The following TNNI3K variants were observed in gnomAD, a reference collection of about 807,000 sequenced individuals.
The protein encoded by TNNI3K is TNNI3 interacting kinase.
In TNNI3K, 140 loss-of-function variants were observed where a neutral mutation model predicts 114.5. The observed-to-expected ratio is 1.22, with a 90% CI of 1.07 to 1.41. The LOEUF is 1.41. Ranked by LOEUF, TNNI3K falls within the 40% of genes most tolerant of loss-of-function variation. The pLI is 0.00. For synonymous variants in TNNI3K, 347 were observed against 347.5 expected (o/e 1.00, Z 0.02); for missense variants, 1,125 against 1,007.6 (o/e 1.12, Z -1.58).
chr1:74,515,525 T>A (rs1646337231), intron 23 of TNNI3K, among the ~76,000 whole-genome samples: 1 of 152,186 alleles, frequency 6.6e-6, no homozygotes, highest in South Asian at 2.1e-4. Context: ...TGATGGTTGC[T>A]GTTGGCAACC....
At chr1:74,369,298 G>A in intron 15 of TNNI3K, 34 bp downstream of exon 15, 3 of 1,609,710 alleles carry the variant, frequency 1.9e-6, no homozygotes, top group Non-Finnish European at 2.5e-6. Context: ...TAACATCCAG[G>A]TGGAATTGTG....
intron 23 of TNNI3K, among the ~76,000 whole-genome samples, chr1:74,510,031 C>T (rs2100375610): frequency 6.6e-6 from 1 of 152,176 alleles, no homozygotes; most frequent in South Asian, 2.1e-4. Flanking sequence ...ATGCGCCCAG[C>T]TTGAATTTCA....
At chr1:74,446,123 C>G (rs949308095) in intron 20 of TNNI3K, among the ~76,000 whole-genome samples, 34 of 152,164 alleles carry the variant, frequency 2.2e-4, no homozygotes, top group Non-Finnish European at 4.3e-4. Flanking sequence ...ACACTGACTT[C>G]CACAATGGTT....
intron 9 of TNNI3K, among the ~76,000 whole-genome samples, chr1:74,352,301 A>T (rs919193277): frequency 6.6e-6 from 1 of 152,140 alleles, no homozygotes; most frequent in Non-Finnish European, 1.5e-5. Flanking sequence ...TGAACCGCAA[A>T]TGCTGCTGCC....
chr1:74,523,074 A>G (rs1015744840), intron 23 of TNNI3K, among the ~76,000 whole-genome samples: 26 of 152,232 alleles, frequency 1.7e-4, no homozygotes, highest in African/African-American at 5.8e-4. Context: ...GCTTCAGTAT[A>G]GGTTCTGTCT....
In TNNI3K at chr1:74,369,078, C is replaced by T. The variant is rs139671822; in HGVS notation, c.1378C>T (p.Leu460Phe). 1.6e-5 allele frequency: 26 copies of T among 1,610,388 alleles called. No individual in the cohort carries two copies. Among genetic ancestry groups the T allele is most frequent in the Non-Finnish European group, 2.0e-5 (24 of 1,178,394 alleles). Residue 460 changes from leucine to phenylalanine, a missense_variant, in exon 14 of 25, where the codon CTC (leucine) becomes TTC (phenylalanine). Transcript: ENST00000326637. Reference sequence around the variant, plus strand: ...ATTGCCTTCACATTTCCATCTTCAGCTCTCAGAAATTGAGTTCCATGAGAT... The same window carrying T: ...ATTGCCTTCACATTTCCATCTTCAGTTCTCAGAAATTGAGTTCCATGAGAT... ...AGLPSHFHLQ[L>F]SEIEFHEIIG... is the part of the protein sequence containing the mutation.
At chr1:74,239,412 T>A (rs1654050438) in intron 2 of TNNI3K, among the ~76,000 whole-genome samples, 1 of 152,098 alleles carries the variant, frequency 6.6e-6, no homozygotes, top group African/African-American at 2.4e-5. Context: ...TTTAAATGAG[T>A]ATCTAGAGCA....
intron 13 of TNNI3K, among the ~76,000 whole-genome samples, chr1:74,368,444 A>G (rs1330757985): frequency 6.6e-6 from 1 of 151,904 alleles, no homozygotes; most frequent in Non-Finnish European, 1.5e-5. Context: ...TTTGGAATTT[A>G]AATTCCAAAT....
rs45519338 is a variant in TNNI3K, at chr1:74,421,198, A to G, written c.1773-14882A>G. 1.4e-3 allele frequency among the ~76,000 whole-genome samples: 210 copies of G among 152,286 alleles called. 1 individual carries two copies. The highest frequency in any genetic ancestry group is 1.3e-3 in the Non-Finnish European group (88 of 68,018). On this transcript the variant is annotated intron_variant, in intron 17 of 24. Coordinates refer to ENST00000326637, the MANE Select transcript of TNNI3K (RefSeq NM_015978.3). ...TGACAAGCCCCAGAACACTGCCAGC[A>G]TGAATAACGTTTACTGAATGTCCAG... is the stretch of plus-strand genomic sequence containing the variant.
Position 74,243,954 on chromosome 1 carries a change from A to G in TNNI3K, c.150-5505A>G, listed in dbSNP as rs3765653. ...CTTAGGGTATTAGAATACATAAGTGATGCTCAATTGGCAGTGAATTTGACA... is the reference window on the plus strand; with the variant it reads ...CTTAGGGTATTAGAATACATAAGTGGTGCTCAATTGGCAGTGAATTTGACA... On this transcript the variant is annotated intron_variant, in intron 2 of 24. Transcript: ENST00000326637. 7.5e-4 allele frequency among the ~76,000 whole-genome samples: 114 copies of G among 152,280 alleles called. 1 individual carries two copies. The East Asian group carries it at 0.021, about 28-fold the overall frequency.
chr1:74,377,617 A>G (rs2100540493), intron 17 of TNNI3K, among the ~76,000 whole-genome samples: 1 of 152,204 alleles, frequency 6.6e-6, no homozygotes, highest in Admixed American at 6.5e-5. Flanking sequence ...ATATATGTGT[A>G]CATATTCTAT....
intron 20 of TNNI3K, among the ~76,000 whole-genome samples, chr1:74,459,058 T>G (rs1412833675): frequency 6.6e-6 from 1 of 152,158 alleles, no homozygotes; most frequent in Admixed American, 6.5e-5. Context: ...TGACCTCTAC[T>G]GTCCACAATA....
At chr1:74,241,903 G>A (rs1654248057) in intron 2 of TNNI3K, among the ~76,000 whole-genome samples, 1 of 148,654 alleles carries the variant, frequency 6.7e-6, no homozygotes, top group African/African-American at 2.5e-5. Flanking sequence ...AGGCTGGAGT[G>A]CAGTGGCGCG....
intron 20 of TNNI3K, among the ~76,000 whole-genome samples, chr1:74,443,045 C>T (rs930827154): frequency 6.6e-6 from 1 of 152,014 alleles, no homozygotes; most frequent in African/African-American, 2.4e-5. Flanking sequence ...ACTAAATGCC[C>T]ACCTCAAAAA....
At chr1:74,487,147 G>A (rs1308001015) in intron 21 of TNNI3K, among the ~76,000 whole-genome samples, 1 of 152,162 alleles carries the variant, frequency 6.6e-6, no homozygotes, top group African/African-American at 2.4e-5. Context: ...TAAGATAGGA[G>A]AATGTATAGT....
chr1:74,405,294 G>A (rs748172082), intron 17 of TNNI3K, among the ~76,000 whole-genome samples: 4 of 152,246 alleles, frequency 2.6e-5, no homozygotes, highest in Admixed American at 2.0e-4. Flanking sequence ...ATATAGATAT[G>A]AGTCTAAAAA....
chr1:74,349,139 T>C (rs528112627), intron 9 of TNNI3K, among the ~76,000 whole-genome samples: 200 of 152,346 alleles, frequency 1.3e-3, no homozygotes, highest in African/African-American at 4.7e-3. Context: ...GGGTTTGTCA[T>C]GCATAGCTCT....
chr1:74,392,941 A>G (rs1252407839), intron 17 of TNNI3K, among the ~76,000 whole-genome samples: 5 of 152,206 alleles, frequency 3.3e-5, no homozygotes, highest in Admixed American at 3.3e-4. Context: ...TTCTGGGAAC[A>G]TTTTCTGCCT....
rs1305532081 is a variant in TNNI3K at position 74,251,735 on chromosome 1, C to G, written c.333+966C>G. On this transcript the variant is annotated intron_variant, in intron 4 of 24. Coordinates refer to ENST00000326637, the MANE Select transcript of TNNI3K (RefSeq NM_015978.3). The stretch of plus-strand genomic sequence containing the variant: ...GAACCCCCTGCACTATCTCCCTCCC[C>G]CAACTGCTAGAGAGTTTGTCATTGG... Among the ~76,000 whole-genome samples, 4 of 152,186 alleles carry G rather than the reference C, an allele frequency of 2.6e-5. No individual in the cohort carries two copies. In the East Asian group the frequency reaches 7.7e-4, roughly 29 times the overall value.
Sources: allele counts gnomAD v4.1 joint callset (sites outside exome capture counted in the v4.1 genomes callset), GRCh38; gene constraint gnomAD v4.1.1; transcripts MANE v1.5; gene names NCBI Gene and HGNC (gene_info 2026-07-23, HGNC 2026-07-21).